PCDH15: variants seen among roughly 807,000 people sequenced by gnomAD.
PCDH15 encodes protocadherin related 15, also known as protocadherin-15.
Under a neutral mutation model 178.5 loss-of-function variants are expected in PCDH15, and 129 were observed. The observed-to-expected ratio is 0.72, with a 90% CI of 0.63 to 0.84. PCDH15 has a LOEUF of 0.84. PCDH15 is among the 40% of genes least tolerant of loss of function. The pLI, the probability that PCDH15 is intolerant of heterozygous loss-of-function variation, is 0.00. For synonymous variants in PCDH15, 800 were observed against 732.0 expected (o/e 1.09, Z -1.50); for missense variants, 2,230 against 2,099.9 (o/e 1.06, Z -1.21).
At chr10:54,806,865 A>C (rs979301007) in intron 3 of PCDH15, among the ~76,000 whole-genome samples, 2 of 152,168 alleles carry the variant, frequency 1.3e-5, no homozygotes, top group African/African-American at 4.8e-5. Flanking sequence ...CTTATGCCAC[A>C]TGACCTCTTA....
At chr10:54,068,025 A>C (rs542457752) in intron 17 of PCDH15, among the ~76,000 whole-genome samples, 1 of 151,910 alleles carries the variant, frequency 6.6e-6, no homozygotes, top group Non-Finnish European at 1.5e-5. Context: ...TAAATACCCA[A>C]TGCTTTCTGT....
intron 2 of PCDH15, among the ~76,000 whole-genome samples, chr10:54,577,679 T>C (rs763791019): frequency 1.3e-5 from 2 of 152,064 alleles, no homozygotes; most frequent in Non-Finnish European, 2.9e-5. Flanking sequence ...TTACTGGTTA[T>C]GCCCCTTACA....
At chr10:54,409,304 T>A (rs374654003) in intron 3 of PCDH15, among the ~76,000 whole-genome samples, 2 of 152,288 alleles carry the variant, frequency 1.3e-5, no homozygotes, top group Admixed American at 6.5e-5. Flanking sequence ...TGCATCTCAT[T>A]CCTGGCAGGT....
intron 27 of PCDH15, among the ~76,000 whole-genome samples, chr10:53,863,886 T>A (rs1394549570): frequency 1.3e-5 from 2 of 152,144 alleles, no homozygotes; most frequent in African/African-American, 2.4e-5. Flanking sequence ...TTGGTCTAGA[T>A]CCTGGAGGGT....
intron 2 of PCDH15, among the ~76,000 whole-genome samples, chr10:54,972,376 C>T (rs1226328572): frequency 2.0e-5 from 3 of 151,482 alleles, no homozygotes; most frequent in Non-Finnish European, 2.9e-5. Flanking sequence ...CCCATCTCTA[C>T]TAAAAATATG....
chr10:54,571,755 C>T (rs2089872139), intron 2 of PCDH15, among the ~76,000 whole-genome samples: 2 of 152,072 alleles, frequency 1.3e-5, no homozygotes, highest in Non-Finnish European at 2.9e-5. Flanking sequence ...CATACTTCAC[C>T]TTTTTCACAT....
At chr10:54,373,320 C>A (rs186895709) in intron 4 of PCDH15, among the ~76,000 whole-genome samples, 1 of 151,664 alleles carries the variant, frequency 6.6e-6, no homozygotes, top group Non-Finnish European at 1.5e-5. Flanking sequence ...GGACTTACCA[C>A]CTTTATAACA....
At chr10:54,430,860 C>T (rs1341009707) in intron 3 of PCDH15, among the ~76,000 whole-genome samples, 1 of 151,860 alleles carries the variant, frequency 6.6e-6, no homozygotes, top group African/African-American at 2.4e-5. Flanking sequence ...AATGGACAAA[C>T]TTTTAACCAG....
intron 2 of PCDH15, among the ~76,000 whole-genome samples, chr10:55,365,902 T>C (rs1845346151): frequency 6.6e-6 from 1 of 152,132 alleles, no homozygotes; most frequent in South Asian, 2.1e-4. Context: ...CTTCCCATTG[T>C]ATCCTATCAG....
chr10:55,101,442 A>C (rs2132046302), intron 2 of PCDH15, among the ~76,000 whole-genome samples: 1 of 151,874 alleles, frequency 6.6e-6, no homozygotes, highest in Middle Eastern at 3.4e-3. Context: ...TTATCTAATA[A>C]ATATTGTTCC....
intron 1 of PCDH15, among the ~76,000 whole-genome samples, chr10:54,688,650 A>T (rs1435915073): frequency 6.6e-6 from 1 of 152,134 alleles, no homozygotes. Context: ...AAATCTAGCC[A>T]TGTAAAATCA....
intron 2 of PCDH15, among the ~76,000 whole-genome samples, chr10:54,949,018 T>C (rs868083479): frequency 2.0e-5 from 3 of 151,840 alleles, no homozygotes; most frequent in South Asian, 2.1e-4. Context: ...ATATCAGATA[T>C]TTACTAATAA....
chr10:54,436,057 A>C (rs2075386602), intron 3 of PCDH15, among the ~76,000 whole-genome samples: 1 of 147,638 alleles, frequency 6.8e-6, no homozygotes, highest in South Asian at 2.1e-4. Context: ...AGAGAAAAGA[A>C]AGAAAGAAAG....
intron 7 of PCDH15, among the ~76,000 whole-genome samples, chr10:54,319,712 T>A (rs1791153989): frequency 7.2e-6 from 1 of 138,484 alleles, no homozygotes; most frequent in African/African-American, 2.9e-5. Flanking sequence ...CTAACAGACC[T>A]GTATTTTTTT....
chr10:53,975,169 T>A (rs2134505741), intron 21 of PCDH15, among the ~76,000 whole-genome samples: 1 of 152,330 alleles, frequency 6.6e-6, no homozygotes, highest in East Asian at 1.9e-4. Context: ...ACATTTTCTT[T>A]ATCCAATACA....
chr10:54,072,403 T>C (rs1041633499), intron 17 of PCDH15, among the ~76,000 whole-genome samples: 1 of 152,016 alleles, frequency 6.6e-6, no homozygotes, highest in Admixed American at 6.6e-5. Context: ...AGAGTGGAGG[T>C]CCTTCCTACC....
chr10:54,914,886 G>A (rs1954874584), intron 2 of PCDH15, among the ~76,000 whole-genome samples: 1 of 152,156 alleles, frequency 6.6e-6, no homozygotes, highest in Admixed American at 6.5e-5. Context: ...TCAAGGACAT[G>A]CCATTATCCT....
At chr10:53,920,600 G>A (rs35370342) in intron 25 of PCDH15, among the ~76,000 whole-genome samples, 13,262 of 152,000 alleles carry the variant, frequency 0.087, 615 homozygotes, top group East Asian at 0.1. Flanking sequence ...GAAGTAGAGC[G>A]GAAACAGAAG....
intron 25 of PCDH15, among the ~76,000 whole-genome samples, chr10:53,932,917 T>G (rs2085203368): frequency 6.6e-6 from 1 of 152,090 alleles, no homozygotes; most frequent in Non-Finnish European, 1.5e-5. Context: ...TTTGCCATAG[T>G]GAGTTCTCAC....
Sources: allele counts gnomAD v4.1 joint callset (sites outside exome capture counted in the v4.1 genomes callset), GRCh38; gene constraint gnomAD v4.1.1; transcripts MANE v1.5; gene names NCBI Gene and HGNC (gene_info 2026-07-23, HGNC 2026-07-21).